The following ASIC2 variants were observed in gnomAD, a reference collection of about 807,000 sequenced individuals.
ASIC2 encodes the protein acid sensing ion channel subunit 2, also known as acid-sensing ion channel 2.
A neutral mutation model predicts 57.3 loss-of-function variants in ASIC2; 25 were observed. The observed-to-expected ratio is 0.44, with a 90% confidence interval of 0.32 to 0.61. ASIC2 has a LOEUF of 0.61. Ranked by LOEUF, ASIC2 falls within the 20% of genes least tolerant of loss-of-function variation. The pLI is 0.06. For missense variants in ASIC2, 641 were observed against 738.1 expected (o/e 0.87, Z 1.52); for synonymous variants, 319 against 307.5 (o/e 1.04, Z -0.39).
intron 1 of ASIC2, among the ~76,000 whole-genome samples, chr17:33,807,109 A>C (rs1912289981): frequency 6.6e-6 from 1 of 152,178 alleles, no homozygotes; most frequent in Non-Finnish European, 1.5e-5. Context: ...CTCCAGGAAA[A>C]TGCAGAAATG....
At chr17:33,539,865 C>A (rs762249385) in intron 1 of ASIC2, among the ~76,000 whole-genome samples, 1 of 152,152 alleles carries the variant, frequency 6.6e-6, no homozygotes, top group Non-Finnish European at 1.5e-5. Context: ...GAATGAGTGA[C>A]AAGGGACTTC....
At chr17:33,982,023 T>A (rs1391900508) in intron 1 of ASIC2, among the ~76,000 whole-genome samples, 1 of 152,132 alleles carries the variant, frequency 6.6e-6, no homozygotes, top group Non-Finnish European at 1.5e-5. Context: ...TATTGGGGAA[T>A]CCAGAGCAGC....
intron 1 of ASIC2, among the ~76,000 whole-genome samples, chr17:33,254,845 C>T (rs530461172): frequency 6.6e-6 from 1 of 152,206 alleles, no homozygotes; most frequent in African/African-American, 2.4e-5. Context: ...AATCCCCACA[C>T]AGACACGTGC....
At chr17:33,200,039 C>T (rs1906795712) in intron 1 of ASIC2, among the ~76,000 whole-genome samples, 1 of 152,084 alleles carries the variant, frequency 6.6e-6, no homozygotes, top group Admixed American at 6.5e-5. Context: ...ACATGCTGTT[C>T]CCTCTTCCTG....
At chr17:33,797,754 G>A (rs1911962224) in intron 1 of ASIC2, among the ~76,000 whole-genome samples, 1 of 152,202 alleles carries the variant, frequency 6.6e-6, no homozygotes, top group African/African-American at 2.4e-5. Context: ...GCTGTTTGGA[G>A]GACTGAAATG....
chr17:33,529,293 G>C (rs929945148), intron 1 of ASIC2, among the ~76,000 whole-genome samples: 6 of 152,140 alleles, frequency 3.9e-5, no homozygotes, highest in African/African-American at 1.2e-4. Flanking sequence ...GAATCTCCAG[G>C]GGGTAGGAAC....
intron 1 of ASIC2, among the ~76,000 whole-genome samples, chr17:34,086,999 C>T (rs1014615156): frequency 3.9e-5 from 6 of 152,114 alleles, no homozygotes; most frequent in African/African-American, 1.4e-4. Context: ...ATCCAATTTG[C>T]CAGTCTGTGT....
In ASIC2 at chr17:33,519,856, A is replaced by G. The variant is rs114709982; in HGVS notation, c.556-407789T>C. 3.4e-3 allele frequency among the ~76,000 whole-genome samples: 512 copies of G among 152,322 alleles called. 3 individuals are homozygous for G. Among genetic ancestry groups the G allele is most frequent in the African/African-American group, 0.012 (478 of 41,552 alleles). ...AGTGAGCCAGGAACTTCAACTGACCAAGAGCAAAGCCTGGGTCGTGGTCAC... is the reference window on the plus strand; with the variant it reads ...AGTGAGCCAGGAACTTCAACTGACCGAGAGCAAAGCCTGGGTCGTGGTCAC... On this transcript the variant is annotated intron_variant, in intron 1 of 9. Transcript: ENST00000359872.
chr17:33,081,113 C>G (rs1178127893), intron 3 of ASIC2, among the ~76,000 whole-genome samples: 1 of 152,176 alleles, frequency 6.6e-6, no homozygotes, highest in Non-Finnish European at 1.5e-5. Context: ...TTTTTGATTC[C>G]CCAACAGTGC....
intron 1 of ASIC2, among the ~76,000 whole-genome samples, chr17:33,212,398 CG>C (rs1353663752): frequency 6.6e-6 from 1 of 151,988 alleles, no homozygotes; most frequent in African/African-American, 2.4e-5. Context: ...AGGAATGTGG[CG>C]GCCCCTAGAA....
chr17:33,096,989 G>A (rs925295800), intron 2 of ASIC2, among the ~76,000 whole-genome samples: 1 of 152,204 alleles, frequency 6.6e-6, no homozygotes, highest in Non-Finnish European at 1.5e-5. Context: ...TTAGAGGTAG[G>A]TGCCCCCATT....
chr17:33,648,035 T>A (rs1906800019), intron 1 of ASIC2, among the ~76,000 whole-genome samples: 1 of 152,198 alleles, frequency 6.6e-6, no homozygotes. Flanking sequence ...GTGAGGACGG[T>A]CCCCATCATG....
chr17:33,446,298 T>C (rs937243468), intron 1 of ASIC2, among the ~76,000 whole-genome samples: 2 of 152,182 alleles, frequency 1.3e-5, no homozygotes, highest in Non-Finnish European at 2.9e-5. Flanking sequence ...CTGAACATAG[T>C]AATCCCTGTT....
In ASIC2 at chr17:33,243,162, T is replaced by A. The variant is rs146131777; in HGVS notation, c.708+48246A>T. The stretch of plus-strand genomic sequence containing the variant: ...GTTTCTTAGAGGATGAAGTTGTACA[T>A]TGATGGACACAATGTTTTCTTAATA... On this transcript the variant is annotated intron_variant, in intron 1 of 9. Coordinates refer to ENST00000225823, the MANE Select transcript of ASIC2 (RefSeq NM_183377.2). Among the ~76,000 whole-genome samples the A allele has an allele frequency of 3.0e-3, 456 of 152,296 alleles. 4 individuals are homozygous for A. Among genetic ancestry groups the A allele is most frequent in the African/African-American group, 0.01 (427 of 41,534 alleles).
chr17:33,453,728 T>C (rs1187822564), intron 1 of ASIC2, among the ~76,000 whole-genome samples: 1 of 152,204 alleles, frequency 6.6e-6, no homozygotes, highest in Non-Finnish European at 1.5e-5. Context: ...ACAATCAAAA[T>C]AATATCCATC....
chr17:33,360,314 A>G (rs1490509428), intron 1 of ASIC2, among the ~76,000 whole-genome samples: 1 of 152,244 alleles, frequency 6.6e-6, no homozygotes. Context: ...TAGAATTTGA[A>G]TGACTGAATG....
chr17:33,137,082 T>C (rs2092369843), intron 1 of ASIC2, among the ~76,000 whole-genome samples: 1 of 152,226 alleles, frequency 6.6e-6, no homozygotes, highest in African/African-American at 2.4e-5. Context: ...ACAGTTATTG[T>C]TCCTACACGG....
intron 2 of ASIC2, among the ~76,000 whole-genome samples, chr17:33,097,521 T>C (rs116426821): frequency 0.01 from 1,558 of 152,120 alleles, 33 homozygotes; most frequent in African/African-American, 0.036. Flanking sequence ...GATGAAAAAA[T>C]GGAAGCTCAC....
Position 33,836,576 on chromosome 17 carries a change from C to T in ASIC2, c.555+319402G>A, listed in dbSNP as rs564680653. On this transcript the variant is annotated intron_variant, in intron 1 of 9. Transcript: ENST00000359872. ...TTGCTGAAGTTAAGCAGGTTTTGGC[C>T]GGGTGCAGTGGCTCAGATCTGTAAT... Among the ~76,000 whole-genome samples the T allele has an allele frequency of 4.6e-5, 7 of 152,078 alleles. No individual in the cohort carries two copies. In the South Asian group the frequency reaches 1.0e-3, roughly 23 times the overall value.
Sources: gnomAD v4.1 joint callset for allele counts (sites outside exome capture counted in the v4.1 genomes callset) on GRCh38, gnomAD v4.1.1 for gene constraint, MANE v1.5 for transcripts, NCBI Gene and HGNC (gene_info 2026-07-23, HGNC 2026-07-21) for gene names.